NXPE4: variants seen among roughly 807,000 people sequenced by gnomAD.
NXPE4 encodes the protein neurexophilin and PC-esterase domain family member 4.
In NXPE4, 42 loss-of-function variants were observed where a neutral mutation model predicts 33.3. That is an observed-to-expected ratio of 1.26 (90% CI 0.98 to 1.63). NXPE4 has a LOEUF of 1.63. Ranked by LOEUF, NXPE4 falls within the 40% of genes most tolerant of loss-of-function variation. NXPE4 has a pLI of 0.00. For missense variants in NXPE4, 709 were observed against 647.6 expected (o/e 1.09, Z -1.03); for synonymous variants, 253 against 234.9 (o/e 1.08, Z -0.71).
chr11:114,608,971 G>T, the NXPE4 span, among the ~76,000 whole-genome samples: 1 of 151,892 alleles, frequency 6.6e-6, no homozygotes, highest in African/African-American at 2.4e-5. Flanking sequence ...AATAAGTGTT[G>T]CCTCGTGGGT....
At chr11:114,600,174 A>G (rs1949621089), upstream of NXPE4, among the ~76,000 whole-genome samples, 1 of 152,242 alleles carries the variant, frequency 6.6e-6, no homozygotes, top group Admixed American at 6.5e-5. Flanking sequence ...TATAATTTCA[A>G]AGTTAAAAAT....
At chr11:114,650,466 G>A in the NXPE4 span, among the ~76,000 whole-genome samples, 1 of 152,158 alleles carries the variant, frequency 6.6e-6, no homozygotes, top group Non-Finnish European at 1.5e-5. Context: ...AGGCATGAAG[G>A]AAGTAATTGG....
chr11:114,663,678 T>C, the NXPE4 span, among the ~76,000 whole-genome samples: 233 of 146,032 alleles, frequency 1.6e-3, 1 homozygote, highest in African/African-American at 3.6e-3. Context: ...ATCTATCTAT[T>C]TATCTATCTA....
At chr11:114,610,004 G>T in the NXPE4 span, among the ~76,000 whole-genome samples, 1 of 149,484 alleles carries the variant, frequency 6.7e-6, no homozygotes, top group Non-Finnish European at 1.5e-5. Context: ...ACTGTTACCT[G>T]GTAGATAATA....
At chr11:114,667,868 C>A in the NXPE4 span, among the ~76,000 whole-genome samples, 4 of 152,110 alleles carry the variant, frequency 2.6e-5, no homozygotes, top group East Asian at 5.8e-4. Flanking sequence ...ATAAGCCACT[C>A]CTAAGTTCTC....
the NXPE4 span, among the ~76,000 whole-genome samples, chr11:114,648,902 C>T: frequency 4.0e-5 from 6 of 151,712 alleles, no homozygotes; most frequent in East Asian, 1.9e-4. Flanking sequence ...TACTATGATA[C>T]GAAGTCAATA....
At chr11:114,625,916 A>T in the NXPE4 span, among the ~76,000 whole-genome samples, 1 of 152,128 alleles carries the variant, frequency 6.6e-6, no homozygotes, top group Admixed American at 6.5e-5. Flanking sequence ...GGGGTGACAG[A>T]CGGCACCTGG....
intron 2 of NXPE4, chr11:114,583,228 G>A (rs145976621): frequency 2.9e-6 from 2 of 692,386 alleles, no homozygotes; most frequent in African/African-American, 1.8e-5. Context: ...TGACAGGAGA[G>A]ACAGAGGGAC....
the NXPE4 span, among the ~76,000 whole-genome samples, chr11:114,634,370 G>A: frequency 1.6e-4 from 24 of 151,788 alleles, no homozygotes; most frequent in Admixed American, 9.9e-4. Flanking sequence ...TTAGCCCTTT[G>A]TCAGATGAGT....
chr11:114,639,476 G>T, the NXPE4 span, among the ~76,000 whole-genome samples: 1 of 151,374 alleles, frequency 6.6e-6, no homozygotes, highest in Non-Finnish European at 1.5e-5. Context: ...TGCCCCCACT[G>T]TCCTGTGCCC....
the NXPE4 span, among the ~76,000 whole-genome samples, chr11:114,630,895 T>C: frequency 1.3e-5 from 2 of 151,698 alleles, no homozygotes; most frequent in Non-Finnish European, 2.9e-5. Context: ...AAAGAAGACA[T>C]TTATGCAGCC....
the NXPE4 span, among the ~76,000 whole-genome samples, chr11:114,656,038 C>G: frequency 4.6e-5 from 7 of 152,154 alleles, no homozygotes; most frequent in Non-Finnish European, 8.8e-5. Flanking sequence ...CCCATCATCT[C>G]AGCCCCAAAA....
the NXPE4 span, among the ~76,000 whole-genome samples, chr11:114,627,946 G>A: frequency 7.9e-5 from 12 of 152,042 alleles, no homozygotes; most frequent in Admixed American, 7.9e-4. Flanking sequence ...ATGGTAAAGG[G>A]ATCAACTCAA....
chr11:114,618,012 G>A, the NXPE4 span, among the ~76,000 whole-genome samples: 34 of 151,060 alleles, frequency 2.3e-4, no homozygotes, highest in African/African-American at 7.0e-4. Context: ...AGTGTTACCC[G>A]CTGGATAATA....
intron 5 of NXPE4, among the ~76,000 whole-genome samples, chr11:114,572,708 G>A (rs1464099082): frequency 6.6e-6 from 1 of 152,094 alleles, no homozygotes; most frequent in African/African-American, 2.4e-5. Context: ...AAGAAGTTTG[G>A]GAGTATGCTA....
chr11:114,663,510 G>T, the NXPE4 span, among the ~76,000 whole-genome samples: 3 of 152,046 alleles, frequency 2.0e-5, no homozygotes, highest in African/African-American at 7.3e-5. Context: ...TTCAGTAGGG[G>T]TGTAAACTGG....
At chr11:114,578,223 TGGA>T (rs1949060070) in intron 5 of NXPE4, among the ~76,000 whole-genome samples, 1 of 152,220 alleles carries the variant, frequency 6.6e-6, no homozygotes. Context: ...TAGGGTGAGT[TGGA>T]AGAAAATGGC....
Position 114,582,389 on chromosome 11 carries a change from A to G in NXPE4, c.729T>C (p.Cys243=). ...LDNRDQEGFY[C]VRPQHMPCAA... Reference sequence around the variant, plus strand: ...CACAGGGCATGTGTTGAGGCCTCACACAGTAGAAGCCTTCTTGGTCTCTGT... The same window carrying G: ...CACAGGGCATGTGTTGAGGCCTCACGCAGTAGAAGCCTTCTTGGTCTCTGT... The change falls in exon 3 of 6, where the codon TGT becomes TGC. Residue 243 remains cysteine (C), a synonymous_variant. Transcript: ENST00000375478. The G allele has an allele frequency of 6.2e-7, 1 of 1,614,238 alleles. No individual in the cohort carries two copies. Among genetic ancestry groups the G allele is most frequent in the East Asian group, 2.2e-5 (1 of 44,894 alleles).
chr11:114,609,143 C>T, the NXPE4 span, among the ~76,000 whole-genome samples: 2 of 152,036 alleles, frequency 1.3e-5, no homozygotes, highest in East Asian at 1.9e-4. Context: ...AGTATTGCCT[C>T]GTGGGTAACC....
Sources: gnomAD v4.1 joint callset for allele counts (sites outside exome capture counted in the v4.1 genomes callset) on GRCh38, gnomAD v4.1.1 for gene constraint, MANE v1.5 for transcripts, NCBI Gene and HGNC (gene_info 2026-07-23, HGNC 2026-07-21) for gene names.